The following ADAMTS17 variants were observed in gnomAD, a reference collection of about 807,000 sequenced individuals.
The protein encoded by ADAMTS17 is A disintegrin and metalloproteinase with thrombospondin motifs 17.
In ADAMTS17, 113 loss-of-function variants were observed where a neutral mutation model predicts 141.5. The observed-to-expected ratio is 0.80, with a 90% CI of 0.69 to 0.93. The LOEUF is 0.93. ADAMTS17 is among the 40% of genes least tolerant of loss of function. The pLI, the probability that ADAMTS17 is intolerant of heterozygous loss-of-function variation, is 0.00. For missense variants in ADAMTS17, 1,659 were observed against 1,517.9 expected (o/e 1.09, Z -1.54); for synonymous variants, 768 against 630.6 (o/e 1.22, Z -3.27).
chr15:100,002,743 T>G (rs1271576569), intron 18 of ADAMTS17, among the ~76,000 whole-genome samples: 1 of 152,084 alleles, frequency 6.6e-6, no homozygotes, highest in Non-Finnish European at 1.5e-5. Context: ...CATGGGAGAT[T>G]CCTGCAGAGC....
At chr15:100,279,655 T>C (rs1445395441) in intron 4 of ADAMTS17, among the ~76,000 whole-genome samples, 2 of 152,220 alleles carry the variant, frequency 1.3e-5, no homozygotes, top group African/African-American at 2.4e-5. Flanking sequence ...GAGGTTCTTC[T>C]GTTATGGCTG....
chr15:100,330,754 C>G (rs2046025979), intron 3 of ADAMTS17, 135 bp downstream of exon 3: 1 of 1,133,508 alleles, frequency 8.8e-7, no homozygotes, highest in Non-Finnish European at 1.3e-6. Flanking sequence ...GAAGTGGTCT[C>G]AGGGCAATAA....
intron 15 of ADAMTS17, among the ~76,000 whole-genome samples, chr15:100,080,227 G>A (rs1218174143): frequency 6.6e-6 from 1 of 152,076 alleles, no homozygotes; most frequent in Non-Finnish European, 1.5e-5. Flanking sequence ...GCTGCCACCA[G>A]GAGACACAAT....
At chr15:100,148,119 A>G (rs2141328613) in intron 10 of ADAMTS17, among the ~76,000 whole-genome samples, 1 of 152,366 alleles carries the variant, frequency 6.6e-6, no homozygotes, top group Non-Finnish European at 1.5e-5. Context: ...ACCCAAGAAA[A>G]TCTCCCCATC....
intron 5 of ADAMTS17, 59 bp downstream of exon 5, chr15:100,262,293 G>T: frequency 6.7e-7 from 1 of 1,495,076 alleles, no homozygotes; most frequent in Non-Finnish European, 9.3e-7. Flanking sequence ...AACAGCAGTT[G>T]AGAAGCTCCA....
chr15:100,221,278 C>CTT (rs34908375), intron 7 of ADAMTS17, among the ~76,000 whole-genome samples: 3,225 of 147,962 alleles, frequency 0.022, 80 homozygotes, highest in African/African-American at 0.063. Flanking sequence ...ATAAACTTCA[C>CTT]TTTTTTTTTT....
At chr15:100,052,916 C>T (rs566871644) in intron 16 of ADAMTS17, among the ~76,000 whole-genome samples, 17 of 152,346 alleles carry the variant, frequency 1.1e-4, no homozygotes, top group African/African-American at 2.9e-4. Context: ...TACGGGGCAA[C>T]GCCCACCCTG....
At chr15:100,136,771 T>C (rs1373670289) in intron 10 of ADAMTS17, among the ~76,000 whole-genome samples, 1 of 152,342 alleles carries the variant, frequency 6.6e-6, no homozygotes, top group South Asian at 2.1e-4. Flanking sequence ...TGGAAGGTCT[T>C]ATTCTCAGAT....
At chr15:100,001,010 C>T (rs577184997) in intron 18 of ADAMTS17, among the ~76,000 whole-genome samples, 1 of 152,214 alleles carries the variant, frequency 6.6e-6, no homozygotes, top group East Asian at 1.9e-4. Flanking sequence ...AGGACATAGA[C>T]CTTATGCCTG....
chr15:99,990,554 C>T (rs1212907550), intron 20 of ADAMTS17, among the ~76,000 whole-genome samples: 1 of 151,778 alleles, frequency 6.6e-6, no homozygotes, highest in Non-Finnish European at 1.5e-5. Flanking sequence ...AGGTCCTTCT[C>T]AAATTCACTG....
chr15:100,170,745 C>T (rs1205207315), intron 8 of ADAMTS17, among the ~76,000 whole-genome samples: 1 of 152,166 alleles, frequency 6.6e-6, no homozygotes, highest in Non-Finnish European at 1.5e-5. Flanking sequence ...TATATCCCTG[C>T]ACTAGACAAG....
At chr15:100,312,980 T>C (rs2045451244) in intron 3 of ADAMTS17, among the ~76,000 whole-genome samples, 1 of 152,142 alleles carries the variant, frequency 6.6e-6, no homozygotes, top group Non-Finnish European at 1.5e-5. Flanking sequence ...CCCATAAGCA[T>C]ACAAAGCTTA....
intron 4 of ADAMTS17, among the ~76,000 whole-genome samples, chr15:100,267,206 G>A (rs59591128): frequency 0.14 from 21,851 of 151,432 alleles, 2,019 homozygotes; most frequent in South Asian, 0.29. Flanking sequence ...CTTGGACACT[G>A]CAGTTACCTC....
intron 15 of ADAMTS17, among the ~76,000 whole-genome samples, chr15:100,054,602 A>T (rs973412893): frequency 6.6e-6 from 1 of 152,158 alleles, no homozygotes; most frequent in Non-Finnish European, 1.5e-5. Context: ...ACGTCCCTTC[A>T]ATCAATAACC....
intron 15 of ADAMTS17, among the ~76,000 whole-genome samples, chr15:100,062,735 T>A (rs1172086910): frequency 6.6e-6 from 1 of 152,224 alleles, no homozygotes; most frequent in East Asian, 1.9e-4. Flanking sequence ...CTTTCTTCAG[T>A]CTCAATCAGC....
chr15:100,154,332 T>C (rs1335185658), intron 9 of ADAMTS17, among the ~76,000 whole-genome samples: 1 of 152,206 alleles, frequency 6.6e-6, no homozygotes, highest in Non-Finnish European at 1.5e-5. Context: ...GAGTGCATTG[T>C]TAAGCTGGTT....
chr15:100,335,371 A>G (rs2046177393), intron 2 of ADAMTS17, among the ~76,000 whole-genome samples: 1 of 152,130 alleles, frequency 6.6e-6, no homozygotes, highest in African/African-American at 2.4e-5. Context: ...TCTCAGGACA[A>G]TGGGGCCTCG....
At chr15:100,009,179 C>A (rs1354777540) in intron 18 of ADAMTS17, among the ~76,000 whole-genome samples, 4 of 152,248 alleles carry the variant, frequency 2.6e-5, no homozygotes, top group South Asian at 4.2e-4. Flanking sequence ...TTCTCATGCC[C>A]ACTGTAACTC....
chr15:100,223,877 C>T (rs116449407), intron 7 of ADAMTS17, among the ~76,000 whole-genome samples: 2,597 of 151,750 alleles, frequency 0.017, 73 homozygotes, highest in African/African-American at 0.06. Context: ...TCACAAGGTC[C>T]CCCAATAGGC....
Sources: gnomAD v4.1 joint callset for allele counts (sites outside exome capture counted in the v4.1 genomes callset) on GRCh38, gnomAD v4.1.1 for gene constraint, MANE v1.5 for transcripts, NCBI Gene and HGNC (gene_info 2026-07-23, HGNC 2026-07-21) for gene names.